Variants in POLA1 observed in about 807,000 individuals in gnomAD.
POLA1 encodes the protein DNA polymerase alpha catalytic subunit.
Under a neutral mutation model 124.0 loss-of-function variants are expected in POLA1, and 15 were observed. The ratio of observed to expected loss-of-function variants is 0.12; its 90% CI spans 0.08 to 0.19. The LOEUF (loss-of-function observed/expected upper bound fraction) is 0.19. POLA1 is among the 10% of genes least tolerant of loss of function. POLA1 has a pLI of 1.00. For missense variants in POLA1, 886 were observed against 1,103.4 expected (o/e 0.80, Z 2.79); for synonymous variants, 408 against 389.4 (o/e 1.05, Z -0.56).
At chrX:24,965,619 A>C (rs997792717) in intron 36 of POLA1, among the ~76,000 whole-genome samples, 1 of 112,101 alleles carries the variant, frequency 8.9e-6, no homozygotes, top group African/African-American at 3.2e-5. Flanking sequence ...CCCATCTTTT[A>C]GTTCTTGGCT....
chrX:24,773,604 A>G (rs991975875), intron 26 of POLA1, among the ~76,000 whole-genome samples: 2 of 111,850 alleles, frequency 1.8e-5, no homozygotes, highest in East Asian at 2.8e-4. Context: ...TTACCTCATG[A>G]CGTTTGTTGG....
intron 35 of POLA1, among the ~76,000 whole-genome samples, chrX:24,929,466 T>G: frequency 8.9e-6 from 1 of 112,068 alleles, no homozygotes; most frequent in African/African-American, 3.2e-5. Flanking sequence ...TCATTTGATC[T>G]TCTCATTTGA....
At chrX:24,877,398 G>T (rs910401868) in intron 34 of POLA1, among the ~76,000 whole-genome samples, 1 of 111,755 alleles carries the variant, frequency 8.9e-6, no homozygotes, top group Non-Finnish European at 1.9e-5. Flanking sequence ...CTGATGTGCC[G>T]CATTTGAGCC....
intron 19 of POLA1, among the ~76,000 whole-genome samples, chrX:24,738,219 C>CCA (rs1931414241): frequency 4.4e-4 from 5 of 11,237 alleles, no homozygotes; most frequent in Non-Finnish European, 1.2e-3. Context: ...GACTCCGTCT[C>CCA]AAAAAAAAAA....
intron 35 of POLA1, among the ~76,000 whole-genome samples, chrX:24,905,023 CAAAAAAAAAA>C (rs59707195): frequency 2.3e-5 from 1 of 43,947 alleles, no homozygotes; most frequent in Non-Finnish European, 4.8e-5. Context: ...GACTCTGTCT[CAAAAAAAAAA>C]AAAAAAAAAA....
chrX:24,873,643 T>A (rs749629394), intron 34 of POLA1, among the ~76,000 whole-genome samples: 2 of 112,061 alleles, frequency 1.8e-5, no homozygotes, highest in East Asian at 5.6e-4. Context: ...TTGTATTTTT[T>A]AAAAAATTAG....
intron 26 of POLA1, among the ~76,000 whole-genome samples, chrX:24,800,898 C>G: frequency 8.9e-6 from 1 of 112,111 alleles, no homozygotes; most frequent in Non-Finnish European, 1.9e-5. Flanking sequence ...CCCTGTCAAA[C>G]TGTAGGGCAA....
rs2046411219 is a variant in POLA1, at chrX:24,841,695, T to G, written c.3780T>G (p.Asp1260Glu). Residue 1260 changes from aspartate (D) to glutamate (E), a missense_variant, in exon 33 of 37, where the codon GAT (aspartate) becomes GAG (glutamate). By Grantham distance (45) the Asp-to-Glu change is conservative (BLOSUM62 2). Transcript: ENST00000379068. ...TTAGAGTTCATCATTATCATAAAGA[T>G]GAAGAGAATGATGCTCTACTTGGTG... ...TQFRVHHYHK[D>E]EENDALLGGP... 1.7e-6 allele frequency: 2 copies of G among 1,185,942 alleles called. No individual in the cohort carries two copies. The highest frequency in any genetic ancestry group is 3.5e-5 in the African/African-American group (2 of 56,463).
chrX:24,827,288 T>A (rs911858053), intron 32 of POLA1, among the ~76,000 whole-genome samples: 2 of 112,281 alleles, frequency 1.8e-5, no homozygotes, highest in Non-Finnish European at 3.8e-5. Context: ...CAGCCCTGAT[T>A]TCATTTTTAG....
At chrX:24,795,880 G>A (rs1311174436) in intron 26 of POLA1, among the ~76,000 whole-genome samples, 1 of 110,729 alleles carries the variant, frequency 9.0e-6, no homozygotes, top group Non-Finnish European at 1.9e-5. Context: ...GGCTTGCTCT[G>A]AGGTTAAAGG....
At chrX:24,870,949 G>A (rs751479033) in intron 34 of POLA1, among the ~76,000 whole-genome samples, 9 of 111,700 alleles carry the variant, frequency 8.1e-5, no homozygotes, top group Admixed American at 5.7e-4. Flanking sequence ...TACGGTTCTT[G>A]CAATTTAGAA....
intron 26 of POLA1, among the ~76,000 whole-genome samples, chrX:24,767,888 G>A (rs1474258127): frequency 8.9e-6 from 1 of 111,946 alleles, no homozygotes; most frequent in East Asian, 2.8e-4. Context: ...TTAGTATGGG[G>A]TTTTATGTCA....
intron 35 of POLA1, among the ~76,000 whole-genome samples, chrX:24,903,817 C>G (rs949623732): frequency 9.0e-6 from 1 of 110,522 alleles, no homozygotes; most frequent in African/African-American, 3.3e-5. Context: ...CAACCGAAAG[C>G]AACTGTAAAA....
intron 36 of POLA1, among the ~76,000 whole-genome samples, chrX:24,956,815 A>AT (rs969420923): frequency 2.7e-5 from 3 of 112,454 alleles, no homozygotes; most frequent in African/African-American, 9.7e-5. Flanking sequence ...CTTAAACAAT[A>AT]TTTTTGAATA....
chrX:24,745,091 C>T (rs17312479), intron 23 of POLA1, among the ~76,000 whole-genome samples: 5,233 of 106,170 alleles, frequency 0.049, 152 homozygotes, highest in East Asian at 0.17. Context: ...ATGGATGTGA[C>T]ACGTCTCAGA....
intron 26 of POLA1, among the ~76,000 whole-genome samples, chrX:24,772,224 C>T (rs895815983): frequency 9.0e-6 from 1 of 111,525 alleles, no homozygotes; most frequent in African/African-American, 3.3e-5. Flanking sequence ...CTGCAATAAA[C>T]ATCTTCTACA....
At chrX:24,797,222 C>G (rs1463954708) in intron 26 of POLA1, among the ~76,000 whole-genome samples, 2 of 111,181 alleles carry the variant, frequency 1.8e-5, no homozygotes, top group Non-Finnish European at 3.8e-5. Context: ...CTCTCCCACC[C>G]TCTCTCCATT....
At chrX:24,895,145 A>T (rs962688546) in intron 35 of POLA1, among the ~76,000 whole-genome samples, 7 of 112,073 alleles carry the variant, frequency 6.2e-5, no homozygotes, top group African/African-American at 2.3e-4. Context: ...CTTTTTAGGA[A>T]CACAATTCAA....
At chrX:24,700,764 C>T (rs920418319) in intron 2 of POLA1, among the ~76,000 whole-genome samples, 1 of 111,786 alleles carries the variant, frequency 8.9e-6, no homozygotes, top group African/African-American at 3.3e-5. Flanking sequence ...CCGCCTCGGC[C>T]TCCCAAAGTG....
Sources: allele counts gnomAD v4.1 joint callset (sites outside exome capture counted in the v4.1 genomes callset), GRCh38; gene constraint gnomAD v4.1.1; transcripts MANE v1.5; gene names NCBI Gene and HGNC (gene_info 2026-07-23, HGNC 2026-07-21).